Variants in IGHMBP2 observed in about 807,000 individuals in gnomAD.
The protein encoded by IGHMBP2 is immunoglobulin mu DNA binding protein 2.
IGHMBP2 carries 81 observed loss-of-function variants against 96.0 expected under a neutral mutation model. That is an observed-to-expected ratio of 0.84 (90% confidence interval 0.71 to 1.01). IGHMBP2 has a LOEUF of 1.01. IGHMBP2 is among the 50% of genes least tolerant of loss of function. IGHMBP2 has a pLI of 0.00. For synonymous variants in IGHMBP2, 557 were observed against 548.9 expected (o/e 1.01, Z -0.21); for missense variants, 1,227 against 1,306.3 (o/e 0.94, Z 0.94).
chr11:68,915,047 TGTGGGGC>T (rs1188738969), intron 6 of IGHMBP2, 24 bp downstream of exon 6: 1 of 1,599,194 alleles, frequency 6.3e-7, no homozygotes, highest in African/African-American at 1.3e-5. Context: ...CCAGTGTCCA[TGTGGGGC>T]GTGGGCTTCT....
At chr11:68,920,050 C>T (rs976147595) in intron 7 of IGHMBP2, among the ~76,000 whole-genome samples, 1 of 152,198 alleles carries the variant, frequency 6.6e-6, no homozygotes, top group African/African-American at 2.4e-5. Context: ...ATCTGTTGAA[C>T]AGCAATTCCC....
chr11:68,910,584 G>A lies in IGHMBP2; in HGVS notation c.548-856G>A, dbSNP rs958463235. Among the ~76,000 whole-genome samples, 12 of 152,308 alleles carry A rather than the reference G, an allele frequency of 7.9e-5. No individual in the cohort carries two copies. In the Middle Eastern group the frequency reaches 0.017, roughly 216 times the overall value. On this transcript the variant is annotated intron_variant, in intron 4 of 14. Transcript: ENST00000255078. ...AGCACCACCTGCTCTCAAGAGCACA[G>A]CATAAGAAGCAGGTCTTGGCCAGGC... is the stretch of plus-strand genomic sequence containing the variant.
intron 7 of IGHMBP2, among the ~76,000 whole-genome samples, chr11:68,920,872 C>G (rs1858849441): frequency 6.6e-6 from 1 of 152,222 alleles, no homozygotes; most frequent in African/African-American, 2.4e-5. Context: ...GCCTTGCATT[C>G]TTTGGCTCAA....
At position 68,936,869 on chromosome 11, in the gene IGHMBP2, G is replaced by A; in HGVS notation, c.2389G>A (p.Ala797Thr). 6.2e-7 allele frequency: 1 copy of A among 1,612,076 alleles called. No individual in the cohort carries two copies. Among genetic ancestry groups the A allele is most frequent in the Non-Finnish European group, 8.5e-7 (1 of 1,179,584 alleles). ...ACCCCGAGCAGCCCTGGGACCCCCA[G>A]CAGGGACCGGTGGCCCAGCCCCTCT... The part of the protein sequence containing the change: ...PRPRAALGPP[A>T]GTGGPAPLQP... Residue 797 changes from alanine (A) to threonine (T), a missense_variant, in exon 13 of 15, where the codon GCA (alanine) becomes ACA (threonine). Physicochemically the swap from Ala to Thr is moderately conservative, Grantham distance 58. Coordinates refer to ENST00000255078, the MANE Select transcript of IGHMBP2 (RefSeq NM_002180.3).
At chr11:68,932,095 G>A (rs1025866197) in intron 8 of IGHMBP2, among the ~76,000 whole-genome samples, 1 of 150,494 alleles carries the variant, frequency 6.6e-6, no homozygotes, top group African/African-American at 2.5e-5. Context: ...GGCGTTCCCT[G>A]GAGAGAGTAG....
At chr11:68,934,407 GTGGATGCCCACTTGGGGCGACCT>G (rs1429656706) in intron 10 of IGHMBP2, 34 bp from the exon 11 acceptor site, 47 of 1,241,464 alleles carry the variant, frequency 3.8e-5, no homozygotes, top group Non-Finnish European at 5.1e-5. Context: ...CGTGTTGGTG[GTGGATGCCCACTTGGGGCGACCT>G]TGTGCTGCTC....
At chr11:68,932,921 A>G (rs1275708454) in intron 8 of IGHMBP2, 7 of 302,760 alleles carry the variant, frequency 2.3e-5, no homozygotes, top group Admixed American at 4.3e-5. Flanking sequence ...TCCTCTGTCT[A>G]TGAAGCCAGC....
chr11:68,933,965 C>T, intron 10 of IGHMBP2, 52 bp downstream of exon 10: 1 of 1,249,930 alleles, frequency 8.0e-7, no homozygotes, highest in Non-Finnish European at 1.1e-6. Flanking sequence ...ACCTCCAGCT[C>T]TTTAAAAATA....
At chr11:68,933,210 T>G in intron 8 of IGHMBP2, 89 bp from the exon 9 acceptor site, 1 of 1,346,424 alleles carries the variant, frequency 7.4e-7, no homozygotes, top group Non-Finnish European at 1.0e-6. Context: ...GGTCCTGAGG[T>G]TTGGGGCCTG....
chr11:68,911,752 C>A lies in IGHMBP2; in HGVS notation c.711+149C>A, dbSNP rs1858445011. On this transcript the variant is annotated intron_variant, in intron 5 of 14. Coordinates refer to ENST00000255078, the MANE Select transcript of IGHMBP2 (RefSeq NM_002180.3). ...TTATTGATTGAGCCTTGGACTGCCC[C>A]TGTTTGATTTCCAGCATCCCCGTGA... The A allele has an allele frequency of 8.6e-6, 7 of 810,436 alleles. No individual in the cohort carries two copies. In the South Asian group the frequency reaches 1.0e-4, roughly 12 times the overall value. The allele number at this position is 810,436 out of a possible 1,614,324, so 50.2% of individuals were successfully genotyped here. A position where few individuals can be genotyped will look rare whatever the true frequency, so the allele number is the denominator to read the frequency against.
rs1479217574 is a variant in IGHMBP2 at position 68,914,896 on chromosome 11, T to G, written c.785T>G (p.Ile262Ser). The G allele has an allele frequency of 1.9e-6, 3 of 1,614,248 alleles. No individual in the cohort carries two copies. Among genetic ancestry groups the G allele is most frequent in the Admixed American group, 1.7e-5 (1 of 60,028 alleles). Reference sequence around the variant, plus strand: ...CGCCTGGCTCTGTGTAAGCAGCGGATTCTGCGCCTGGGACACCCTGCCCGC... The same window carrying G: ...CGCCTGGCTCTGTGTAAGCAGCGGAGTCTGCGCCTGGGACACCCTGCCCGC... ...VERLALCKQR[I>S]LRLGHPARLL... The change falls in exon 6 of 15, where the codon ATT becomes AGT. Residue 262 changes from isoleucine to serine, a missense_variant. By Grantham distance (142) the Ile-to-Ser change is moderately radical (BLOSUM62 -2). This residue lies in a region of IGHMBP2 where 507 missense variants were observed against 496.9 expected (regional missense o/e 1.02). Transcript: ENST00000255078.
At chr11:68,927,538 G>C (rs1376321970) in intron 7 of IGHMBP2, among the ~76,000 whole-genome samples, 1 of 152,154 alleles carries the variant, frequency 6.6e-6, no homozygotes, top group Non-Finnish European at 1.5e-5. Context: ...CCCTGTACAT[G>C]TGTGTGGCCT....
At chr11:68,931,134 T>C (rs966108806) in intron 8 of IGHMBP2, among the ~76,000 whole-genome samples, 2 of 152,178 alleles carry the variant, frequency 1.3e-5, no homozygotes, top group Non-Finnish European at 2.9e-5. Context: ...TGCCTCCCGC[T>C]GCCATTCATG....
In IGHMBP2 at chr11:68,938,278, C is replaced by T. The variant is rs1859629469; in HGVS notation, c.2708C>T (p.Thr903Ile). The change falls in exon 14 of 15, where the codon ACA becomes ATA. Residue 903 changes from threonine (T) to isoleucine (I), a missense_variant. Physicochemically the swap from Thr to Ile is moderately conservative, Grantham distance 89 (BLOSUM62 -1). Coordinates refer to ENST00000255078, the MANE Select transcript of IGHMBP2 (RefSeq NM_002180.3). ...ADNTCGFAKC[T>I]AGVTTLGQFC... ...AACACCTGCGGCTTTGCCAAGTGCA[C>T]AGCCGGCGTCACAACCCTGGGCCAG... 6.2e-7 allele frequency: 1 copy of T among 1,613,574 alleles called. No individual in the cohort carries two copies. Among genetic ancestry groups the T allele is most frequent in the African/African-American group, 1.3e-5 (1 of 74,924 alleles).
At chr11:68,935,064 C>A (rs760760752) in intron 11 of IGHMBP2, among the ~76,000 whole-genome samples, 3 of 152,228 alleles carry the variant, frequency 2.0e-5, no homozygotes, top group Admixed American at 6.5e-5. Context: ...CTGAGGCTGG[C>A]GGCTGTCATA....
Position 68,937,035 on chromosome 11 carries a change from AGCAGCAGGCCTCAGG to A in IGHMBP2, c.2563_2577del (p.Ala855_Gln859del). 1 of 1,607,530 alleles carries A rather than the reference AGCAGCAGGCCTCAGG, an allele frequency of 6.2e-7. No individual in the cohort carries two copies. Among genetic ancestry groups the A allele is most frequent in the Non-Finnish European group, 8.5e-7 (1 of 1,179,956 alleles). ...GCGCAGGGGCAGCCCGCCAGCAAGG[AGCAGCAGGCCTCAGG>A]GCAGCAGAAACTTCCAGAAAAGAAA... On this transcript the variant is annotated inframe_deletion, in exon 13 of 15. Coordinates refer to ENST00000255078, the MANE Select transcript of IGHMBP2 (RefSeq NM_002180.3).
At chr11:68,908,501 A>C (rs1858292397) in intron 3 of IGHMBP2, 33 bp from the exon 4 acceptor site, 3 of 1,554,200 alleles carry the variant, frequency 1.9e-6, no homozygotes, top group Non-Finnish European at 2.7e-6. Flanking sequence ...ACTGAATTGC[A>C]GGTGTTCTAA....
intron 7 of IGHMBP2, among the ~76,000 whole-genome samples, chr11:68,924,085 G>T (rs1485186327): frequency 6.6e-6 from 1 of 152,152 alleles, no homozygotes; most frequent in Non-Finnish European, 1.5e-5. Flanking sequence ...TTTGTTACCT[G>T]TTGTCTAGTG....
Position 68,936,745 on chromosome 11 carries a change from G to A in IGHMBP2, c.2265G>A (p.Arg755=). ...CTCCTTCCCTCAATTCCCACGACAG[G>A]CTGCGGGTCCACCAAATAGCCGAGG... ...EFPPSLNSHD[R]LRVHQIAEEH... is the part of the protein sequence containing the mutation. Residue 755 remains arginine, a synonymous_variant, in exon 13 of 15, where the codon AGG becomes AGA. Transcript: ENST00000255078. 1.9e-6 allele frequency: 3 copies of A among 1,614,074 alleles called. No individual in the cohort carries two copies. The highest frequency in any genetic ancestry group is 2.5e-6 in the Non-Finnish European group (3 of 1,180,034).
Sources: gnomAD v4.1 joint callset for allele counts (sites outside exome capture counted in the v4.1 genomes callset) on GRCh38, gnomAD v4.1.1 for gene constraint, gnomAD v4.1.1 regional missense constraint, MANE v1.5 for transcripts, NCBI Gene and HGNC (gene_info 2026-07-23, HGNC 2026-07-21) for gene names.